Variants in BTBD9 observed in about 807,000 individuals in gnomAD.
The protein encoded by BTBD9 is BTB domain containing 9.
In BTBD9, 49 loss-of-function variants were observed where a neutral mutation model predicts 64.3. That is an observed-to-expected ratio of 0.76 (90% CI 0.61 to 0.97). The LOEUF (loss-of-function observed/expected upper bound fraction) is 0.97. Ranked by LOEUF, BTBD9 falls within the 50% of genes least tolerant of loss-of-function variation. BTBD9 has a pLI of 0.00. For synonymous variants in BTBD9, 260 were observed against 274.7 expected, an observed-to-expected ratio of 0.95 and a Z score of 0.53; for missense variants, 598 against 762.1, an observed-to-expected ratio of 0.78 and a Z score of 2.53.
intron 6 of BTBD9, among the ~76,000 whole-genome samples, chr6:38,351,504 G>GTTTT (rs79539406): frequency 0.043 from 4,141 of 96,264 alleles, 442 homozygotes; most frequent in Non-Finnish European, 0.057. Flanking sequence ...TTTAATTGTT[G>GTTTT]TTGTTTTTTT....
chr6:38,457,891 C>G (rs181087581), intron 6 of BTBD9, among the ~76,000 whole-genome samples: 4 of 152,252 alleles, frequency 2.6e-5, no homozygotes, highest in Admixed American at 2.6e-4. Context: ...CTGTAATTAA[C>G]AAATCGTATT....
rs531998938 is a variant in BTBD9, at chr6:38,426,425, T to C, written c.1155-81332A>G. ...CCCCTTTGGGTCCCCTCCCCTTGAATGGGAGCTCTGTTTTCACTCTGTTTC... is the reference window on the plus strand; with the variant it reads ...CCCCTTTGGGTCCCCTCCCCTTGAACGGGAGCTCTGTTTTCACTCTGTTTC... On this transcript the variant is annotated intron_variant, in intron 6 of 10. Transcript: ENST00000481247. Among the ~76,000 whole-genome samples the C allele has an allele frequency of 5.9e-5, 9 of 152,080 alleles. No homozygotes were observed. The East Asian group carries it at 1.4e-3, about 23-fold the overall frequency.
chr6:38,555,822 T>C (rs192009237), intron 6 of BTBD9, among the ~76,000 whole-genome samples: 17 of 152,350 alleles, frequency 1.1e-4, no homozygotes, highest in Admixed American at 1.0e-3. Flanking sequence ...TCAACCTCAC[T>C]TTTCTCTATT....
At chr6:38,214,504 GA>G (rs1263791869) in intron 9 of BTBD9, among the ~76,000 whole-genome samples, 2 of 152,218 alleles carry the variant, frequency 1.3e-5, no homozygotes, top group Non-Finnish European at 2.9e-5. Context: ...CAGGCAGGGG[GA>G]TCAGCTGGGC....
At chr6:38,464,842 G>A (rs938004690) in intron 6 of BTBD9, among the ~76,000 whole-genome samples, 1 of 152,108 alleles carries the variant, frequency 6.6e-6, no homozygotes, top group African/African-American at 2.4e-5. Flanking sequence ...TTGGAAGTAG[G>A]GTAATGCTGG....
intron 6 of BTBD9, among the ~76,000 whole-genome samples, chr6:38,506,450 T>C (rs1248838980): frequency 6.6e-6 from 1 of 152,234 alleles, no homozygotes; most frequent in Non-Finnish European, 1.5e-5. Context: ...GATCCCGTGC[T>C]GGCTGAGCTG....
intron 10 of BTBD9, among the ~76,000 whole-genome samples, chr6:38,178,368 G>A (rs1398491148): frequency 6.6e-6 from 1 of 152,116 alleles, no homozygotes; most frequent in Non-Finnish European, 1.5e-5. Context: ...CAGCAGACAC[G>A]GCCAGAGGAT....
At chr6:38,530,488 G>A (rs965396572) in intron 6 of BTBD9, among the ~76,000 whole-genome samples, 2 of 151,092 alleles carry the variant, frequency 1.3e-5, no homozygotes, top group African/African-American at 4.8e-5. Flanking sequence ...ACTGATATGT[G>A]CTGTCACTTC....
intron 6 of BTBD9, among the ~76,000 whole-genome samples, chr6:38,560,590 T>G (rs1775222975): frequency 6.6e-6 from 1 of 152,180 alleles, no homozygotes; most frequent in Non-Finnish European, 1.5e-5. Context: ...TTTTTAACTT[T>G]TAATTTAGGT....
intron 7 of BTBD9, among the ~76,000 whole-genome samples, chr6:38,327,195 T>A (rs1329728775): frequency 1.3e-5 from 2 of 152,104 alleles, no homozygotes; most frequent in Admixed American, 6.6e-5. Flanking sequence ...AAAATAAGTA[T>A]CTAATGCAGC....
At position 38,168,514 on chromosome 6, in the gene BTBD9, G is replaced by A. The variant is rs1374562431; in HGVS notation, c.*6471C>T. 7.3e-6 allele frequency: 1 copy of A among 137,282 alleles called. No homozygotes were observed. The highest frequency in any genetic ancestry group is 1.5e-5 in the Non-Finnish European group (1 of 67,536). 8.5% of individuals were successfully genotyped at this position (137,282 alleles called of 1,614,324 possible). On this transcript the variant is annotated 3_prime_UTR_variant, in exon 11 of 11. Coordinates refer to ENST00000481247, the MANE Select transcript of BTBD9 (RefSeq NM_001099272.2). ...TGCATTTTCACACACATGGACTCAG[G>A]GGTTTCGAACACACGGTTTGTACAT... is the stretch of plus-strand genomic sequence containing the variant.
At chr6:38,223,617 G>A (rs770110252) in intron 9 of BTBD9, among the ~76,000 whole-genome samples, 1 of 152,142 alleles carries the variant, frequency 6.6e-6, no homozygotes, top group Non-Finnish European at 1.5e-5. Context: ...GATTATAGGT[G>A]TGAACCACTG....
chr6:38,598,169 C>A, intron 1 of BTBD9, 48 bp from the exon 2 acceptor site: 2 of 1,385,546 alleles, frequency 1.4e-6, no homozygotes, highest in South Asian at 1.4e-5. Flanking sequence ...GGGGAGTACA[C>A]ATAGAAAATC....
At position 38,522,115 on chromosome 6, in the gene BTBD9, G is replaced by A. The variant is rs772284108; in HGVS notation, c.1154+55485C>T. ...TTCTGAAGCTAAGCTCGCAGGCTCC[G>A]TCTTATCCTTCCCATCTGCTCCAGC... On this transcript the variant is annotated intron_variant, in intron 6 of 10. Transcript: ENST00000481247. Among the ~76,000 whole-genome samples, 15 of 152,188 alleles carry A rather than the reference G, an allele frequency of 9.9e-5. No individual in the cohort carries two copies. In the East Asian group the frequency reaches 1.4e-3, roughly 14 times the overall value.
chr6:38,514,641 G>A (rs1268667244), intron 6 of BTBD9, among the ~76,000 whole-genome samples: 1 of 152,160 alleles, frequency 6.6e-6, no homozygotes, highest in East Asian at 1.9e-4. Context: ...ACTCATTAAA[G>A]GTTAGGGCAG....
At chr6:38,597,845 G>C (rs775091075) in intron 2 of BTBD9, 65 bp downstream of exon 2, 356 of 1,356,176 alleles carry the variant, frequency 2.6e-4, no homozygotes, top group Admixed American at 3.6e-4. Flanking sequence ...ATTTTTCATA[G>C]AGCAGAAAAT....
chr6:38,566,679 T>C (rs778814764), intron 6 of BTBD9, among the ~76,000 whole-genome samples: 4 of 152,240 alleles, frequency 2.6e-5, no homozygotes, highest in Admixed American at 6.5e-5. Context: ...AGTGTCATTG[T>C]AGTCTATTGT....
intron 6 of BTBD9, among the ~76,000 whole-genome samples, chr6:38,391,323 G>A (rs538440308): frequency 6.6e-6 from 1 of 152,282 alleles, no homozygotes; most frequent in Admixed American, 6.5e-5. Flanking sequence ...TTTTAAATCA[G>A]AGCTGCTCTG....
At chr6:38,315,082 T>C (rs1366389823) in intron 7 of BTBD9, among the ~76,000 whole-genome samples, 1 of 152,092 alleles carries the variant, frequency 6.6e-6, no homozygotes, top group Non-Finnish European at 1.5e-5. Flanking sequence ...TCTTCTGACC[T>C]CATGATCCGC....
Sources: allele counts gnomAD v4.1 joint callset (sites outside exome capture counted in the v4.1 genomes callset), GRCh38; gene constraint gnomAD v4.1.1; transcripts MANE v1.5; gene names NCBI Gene and HGNC (gene_info 2026-07-23, HGNC 2026-07-21).